The following MET variants were observed in gnomAD, a reference collection of about 807,000 sequenced individuals.
MET encodes the protein MET proto-oncogene, receptor tyrosine kinase.
A neutral mutation model predicts 133.1 loss-of-function variants in MET; 48 were observed. The ratio of observed to expected loss-of-function variants is 0.36; its 90% CI spans 0.29 to 0.46. The LOEUF (loss-of-function observed/expected upper bound fraction) is 0.46. Among genes scored for constraint, MET ranks in the 20% least tolerant of loss-of-function variants. The pLI is 1.00. For synonymous variants in MET, 628 were observed against 616.5 expected (o/e 1.02, Z -0.28); for missense variants, 1,442 against 1,695.9 (o/e 0.85, Z 2.63).
chr7:116,701,295 G>A (rs1391418372), intron 2 of MET, among the ~76,000 whole-genome samples: 4 of 152,062 alleles, frequency 2.6e-5, no homozygotes. Flanking sequence ...TTTGACTTTG[G>A]CATGGTATGT....
intron 1 of MET, among the ~76,000 whole-genome samples, chr7:116,691,837 G>A (rs1329909009): frequency 6.6e-6 from 1 of 152,174 alleles, no homozygotes; most frequent in East Asian, 1.9e-4. Flanking sequence ...ACTCAACCCT[G>A]ACCAAGCTCC....
chr7:116,713,933 G>T (rs952080437), intron 2 of MET, among the ~76,000 whole-genome samples: 1 of 152,102 alleles, frequency 6.6e-6, no homozygotes, highest in Non-Finnish European at 1.5e-5. Context: ...TGTTTTATTT[G>T]TTAGTGCAGG....
Position 116,699,279 on chromosome 7 carries a change from TGC to T in MET, c.196_197del (p.Ala66HisfsTer2). ...ILHEHHIFLG[A>X]TNYIYVLNEE... ...TACATGAGCATCACATTTTCCTTGG[TGC>T]CACTAACTACATTTATGTTTTAAAT... On this transcript the variant is annotated frameshift_variant, in exon 2 of 21. Coordinates refer to ENST00000397752, the MANE Select transcript of MET (RefSeq NM_000245.4). LOFTEE classifies it high-confidence loss of function. The T allele has an allele frequency of 6.2e-7, 1 of 1,614,012 alleles. No individual in the cohort carries two copies. The highest frequency in any genetic ancestry group is 8.5e-7 in the Non-Finnish European group (1 of 1,179,944).
chr7:116,741,046 G>T, intron 5 of MET, 21 bp downstream of exon 5: 2 of 1,608,694 alleles, frequency 1.2e-6, no homozygotes, highest in East Asian at 4.5e-5. Context: ...CTAACAGCTG[G>T]CATACATGTT....
At chr7:116,746,951 A>G (rs1343787790) in intron 5 of MET, among the ~76,000 whole-genome samples, 2 of 151,890 alleles carry the variant, frequency 1.3e-5, no homozygotes, top group African/African-American at 2.4e-5. Flanking sequence ...AAAAAAAGAA[A>G]CCCTACAAGC....
rs931445238 is a variant in MET at position 116,740,207 on chromosome 7, G to C, written c.1527+123G>C. On this transcript the variant is annotated intron_variant, in intron 4 of 20. Coordinates refer to ENST00000397752, the MANE Select transcript of MET (RefSeq NM_000245.4). ...CTTAAATTTACCCCTCCTCCATTAA[G>C]TTCTTTAGTGAGTATTCCAGAGATC... 8 of 1,067,472 alleles carry C rather than the reference G, an allele frequency of 7.5e-6. No individual in the cohort carries two copies. In the Admixed American group the frequency reaches 1.4e-4, roughly 19 times the overall value. 66.1% of individuals were successfully genotyped at this position (1,067,472 alleles called of 1,614,324 possible).
intron 3 of MET, among the ~76,000 whole-genome samples, chr7:116,736,237 A>G (rs1031574250): frequency 3.9e-5 from 6 of 152,150 alleles, no homozygotes; most frequent in Non-Finnish European, 8.8e-5. Flanking sequence ...ACCTATAGAG[A>G]TAGAAAGTAG....
At chr7:116,712,874 A>G (rs547794061) in intron 2 of MET, among the ~76,000 whole-genome samples, 5 of 152,316 alleles carry the variant, frequency 3.3e-5, no homozygotes, top group Admixed American at 3.3e-4. Flanking sequence ...AAAAGGAGAA[A>G]GAGGGAATAC....
At chr7:116,701,795 C>A (rs901031881) in intron 2 of MET, among the ~76,000 whole-genome samples, 2 of 152,014 alleles carry the variant, frequency 1.3e-5, no homozygotes, top group Non-Finnish European at 2.9e-5. Flanking sequence ...AATAGCATTA[C>A]AGAGAAGATA....
Position 116,741,080 on chromosome 7 carries a change from TTTTGG to T in MET, c.1701+70_1701+74del, listed in dbSNP as rs769642577. 3.0e-4 allele frequency: 483 copies of T among 1,598,890 alleles called. 1 individual carries two copies. The African/African-American group carries it at 5.8e-3, about 19-fold the overall frequency. Reference sequence around the variant, plus strand: ...TTTTTGTTTGGTGTTTTTTTTTTTTTTTTGGTTTGGTTTGGTTTGTTTTTTGTTTT... The same window carrying T: ...TTTTTGTTTGGTGTTTTTTTTTTTTTTTTGGTTTGGTTTGTTTTTTGTTTT... On this transcript the variant is annotated intron_variant, in intron 5 of 20. Coordinates refer to ENST00000397752, the MANE Select transcript of MET (RefSeq NM_000245.4).
At chr7:116,754,180 T>G (rs761076497) in intron 5 of MET, among the ~76,000 whole-genome samples, 1 of 152,058 alleles carries the variant, frequency 6.6e-6, no homozygotes, top group Admixed American at 6.5e-5. Context: ...ATGAATGAAT[T>G]ATTGGCAGAT....
intron 10 of MET, 199 bp downstream of exon 10, chr7:116,759,689 T>C: frequency 1.6e-6 from 1 of 640,446 alleles, no homozygotes; most frequent in South Asian, 1.6e-5. Context: ...AAAAAATACA[T>C]ACACATACAC....
At chr7:116,676,621 T>C (rs887907114) in intron 1 of MET, among the ~76,000 whole-genome samples, 1 of 152,142 alleles carries the variant, frequency 6.6e-6, no homozygotes, top group Non-Finnish European at 1.5e-5. Flanking sequence ...CTGTCAAGGA[T>C]AAGAGAGAGT....
chr7:116,786,597 T>C (rs1292808791), intron 19 of MET, among the ~76,000 whole-genome samples: 1 of 152,112 alleles, frequency 6.6e-6, no homozygotes, highest in Non-Finnish European at 1.5e-5. Flanking sequence ...GCTGAGTAAC[T>C]TGAGTGATTT....
chr7:116,731,759 T>G lies in MET; in HGVS notation c.1292T>G (p.Met431Arg). 1 of 1,614,158 alleles carries G rather than the reference T, an allele frequency of 6.2e-7. No individual in the cohort carries two copies. The highest frequency in any genetic ancestry group is 8.5e-7 in the Non-Finnish European group (1 of 1,180,000). Reference protein sequence around the residue: ...TTALQRVDLFMGQFSEVLLTS... With the variant: ...TTALQRVDLFRGQFSEVLLTS... ...GCTTTGCAGCGCGTTGACTTATTCATGGGTCAATTCAGCGAAGTCCTCTTA... is the reference window on the plus strand; with the variant it reads ...GCTTTGCAGCGCGTTGACTTATTCAGGGGTCAATTCAGCGAAGTCCTCTTA... The change falls in exon 3 of 21, where the codon ATG becomes AGG. Residue 431 changes from methionine (M) to arginine (R), a missense_variant. Physicochemically the swap from Met to Arg is moderately conservative, Grantham distance 91. Transcript: ENST00000397752.
chr7:116,743,905 T>C (rs1037471526), intron 5 of MET, among the ~76,000 whole-genome samples: 1 of 152,016 alleles, frequency 6.6e-6, no homozygotes. Flanking sequence ...GGGTCTGGAG[T>C]GGACCTCCAG....
intron 5 of MET, among the ~76,000 whole-genome samples, chr7:116,741,306 C>T (rs1274120505): frequency 6.6e-6 from 1 of 152,132 alleles, no homozygotes; most frequent in Non-Finnish European, 1.5e-5. Flanking sequence ...TGGGCAGCTG[C>T]TCACCTTTAG....
chr7:116,771,424 A>C, intron 12 of MET, 74 bp from the exon 13 acceptor site: 1 of 1,580,240 alleles, frequency 6.3e-7, no homozygotes, highest in Non-Finnish European at 8.7e-7. Flanking sequence ...TTTGGGACCC[A>C]AAGTGCTACA....
In MET at chr7:116,699,864, C is replaced by G. The variant is rs2116597678; in HGVS notation, c.780C>G (p.Tyr260Ter). ...VHAFESNNFI[Y>*]FLTVQRETLD... ...CCTTTGAAAGCAACAATTTTATTTA[C>G]TTCTTGACGGTCCAAAGGGAAACTC... The change falls in exon 2 of 21, where the codon TAC (tyrosine) becomes TAG (stop). Residue 260 changes from tyrosine to a stop codon, truncating the protein, a stop_gained. Transcript: ENST00000397752. LOFTEE classifies it high-confidence loss of function. The G allele has an allele frequency of 6.2e-7, 1 of 1,614,104 alleles. No individual in the cohort carries two copies. The highest frequency in any genetic ancestry group is 8.5e-7 in the Non-Finnish European group (1 of 1,179,970).
Sources: allele counts gnomAD v4.1 joint callset (sites outside exome capture counted in the v4.1 genomes callset), GRCh38; gene constraint gnomAD v4.1.1; transcripts MANE v1.5; gene names NCBI Gene and HGNC (gene_info 2026-07-23, HGNC 2026-07-21).